Variants in DAPK1 observed in about 807,000 individuals in gnomAD.
DAPK1 encodes the protein death-associated protein kinase 1.
In DAPK1, 56 loss-of-function variants were observed where a neutral mutation model predicts 144.9. The ratio of observed to expected loss-of-function variants is 0.39; its 90% CI spans 0.31 to 0.48. The LOEUF is 0.48. Among genes scored for constraint, DAPK1 ranks in the 20% least tolerant of loss-of-function variants. DAPK1 has a pLI of 0.95. For synonymous variants in DAPK1, 690 were observed against 749.0 expected (o/e 0.92, Z 1.29); for missense variants, 1,454 against 1,875.4 (o/e 0.78, Z 4.15).
intron 20 of DAPK1, among the ~76,000 whole-genome samples, chr9:87,685,523 C>G (rs1217636805): frequency 6.6e-6 from 1 of 152,146 alleles, no homozygotes; most frequent in East Asian, 1.9e-4. Flanking sequence ...CAAGTTCTTA[C>G]AGAGCACTCT....
chr9:87,592,244 C>A lies in DAPK1; in HGVS notation c.63-12710C>A, dbSNP rs373599083. Among the ~76,000 whole-genome samples the A allele has an allele frequency of 6.6e-5, 10 of 152,256 alleles. No individual in the cohort carries two copies. In the East Asian group the frequency reaches 1.4e-3, roughly 21 times the overall value. On this transcript the variant is annotated intron_variant, in intron 2 of 25. Transcript: ENST00000408954. ...CCACTGCAGATGATGAGGAGGAAACCCAGCAAGAGGAAGGGCTTCCCACCC... is the reference window on the plus strand; with the variant it reads ...CCACTGCAGATGATGAGGAGGAAACACAGCAAGAGGAAGGGCTTCCCACCC...
In DAPK1 at chr9:87,614,564, C is replaced by T. The variant is rs555685855; in HGVS notation, c.284+9389C>T. On this transcript the variant is annotated intron_variant, in intron 3 of 25. Transcript: ENST00000408954. ...GTTCATACTTCCTCTTAGAAACTCTCCCTGATCTCATATCTTCTTCTTCCT... is the reference window on the plus strand; with the variant it reads ...GTTCATACTTCCTCTTAGAAACTCTTCCTGATCTCATATCTTCTTCTTCCT... Among the ~76,000 whole-genome samples the T allele has an allele frequency of 1.1e-3, 172 of 152,278 alleles. 2 individuals carry two copies. The Middle Eastern group carries it at 0.031, about 27-fold the overall frequency.
At chr9:87,677,894 C>T (rs1206641772) in intron 19 of DAPK1, among the ~76,000 whole-genome samples, 2 of 152,094 alleles carry the variant, frequency 1.3e-5, no homozygotes, top group Admixed American at 6.5e-5. Flanking sequence ...GCAGCATGGG[C>T]GCACCTGGTG....
At chr9:87,650,355 A>G (rs898757990) in intron 16 of DAPK1, 3 of 494,004 alleles carry the variant, frequency 6.1e-6, no homozygotes, top group African/African-American at 5.8e-5. Context: ...TTTGGTCTCT[A>G]AATAATTTTT....
At chr9:87,705,865 A>AT (rs34344016) in intron 25 of DAPK1, among the ~76,000 whole-genome samples, 5 of 150,526 alleles carry the variant, frequency 3.3e-5, no homozygotes, top group East Asian at 2.0e-4. Context: ...GCCATCTCCC[A>AT]TTTTTTTTTC....
chr9:87,706,211 A>T lies in DAPK1; in HGVS notation c.3140A>T (p.Lys1047Met), dbSNP rs960508569. 6.8e-6 allele frequency: 11 copies of T among 1,612,802 alleles called. No individual in the cohort carries two copies. Among genetic ancestry groups the T allele is most frequent in the Non-Finnish European group, 9.3e-6 (11 of 1,178,964 alleles). The part of the protein sequence containing the change: ...PRWLCTNVLG[K>M]LLSVETPRAL... The stretch of plus-strand genomic sequence containing the variant: ...TGGCTCTGCACAAACGTCCTGGGGA[A>T]GTTGCTGTCCGTGGAGACCCCACGG... Residue 1047 changes from lysine (K) to methionine (M), a missense_variant, in exon 26 of 26, where the codon AAG becomes ATG. Transcript: ENST00000408954. The surrounding 1 kb of genome is among the most constrained non-coding windows in gnomAD (Gnocchi z 9.0).
chr9:87,616,526 G>A (rs1233967920), intron 3 of DAPK1, among the ~76,000 whole-genome samples: 1 of 152,190 alleles, frequency 6.6e-6, no homozygotes, highest in Non-Finnish European at 1.5e-5. Context: ...TTCCTAAAGA[G>A]CAAAGTACCC....
intron 3 of DAPK1, among the ~76,000 whole-genome samples, chr9:87,605,991 G>A (rs571757144): frequency 3.3e-5 from 5 of 152,320 alleles, no homozygotes; most frequent in Admixed American, 3.3e-4. Flanking sequence ...GGGGCGGATG[G>A]AACCAAAGAA....
chr9:87,604,234 T>G (rs1013598394), intron 2 of DAPK1, among the ~76,000 whole-genome samples: 2 of 152,092 alleles, frequency 1.3e-5, no homozygotes, highest in Non-Finnish European at 2.9e-5. Context: ...CTCTGCATCC[T>G]CTGAAGGGTC....
At chr9:87,558,977 G>A (rs1384880603) in intron 2 of DAPK1, among the ~76,000 whole-genome samples, 1 of 152,134 alleles carries the variant, frequency 6.6e-6, no homozygotes, top group Non-Finnish European at 1.5e-5. Context: ...CCACTCTGGG[G>A]GAGGGGAGGG....
rs761918549 is a variant in DAPK1 at position 87,614,621 on chromosome 9, TC to T, written c.284+9447del. Among the ~76,000 whole-genome samples, 7 of 152,310 alleles carry T rather than the reference TC, an allele frequency of 4.6e-5. 1 individual carries two copies. Among genetic ancestry groups the T allele is most frequent in the Admixed American group, 3.9e-4 (6 of 15,308 alleles). On this transcript the variant is annotated intron_variant, in intron 3 of 25. Coordinates refer to ENST00000408954, the MANE Select transcript of DAPK1 (RefSeq NM_004938.4). The stretch of plus-strand genomic sequence containing the variant: ...GCCAACTGCTTCCCCAACCTGCACA[TC>T]AAGCGGGTGTAATGGAAGAGAACTT...
chr9:87,660,919 A>T (rs911043443), intron 18 of DAPK1, among the ~76,000 whole-genome samples: 3 of 152,152 alleles, frequency 2.0e-5, no homozygotes, highest in Admixed American at 2.0e-4. Flanking sequence ...ATCTCGGCTC[A>T]CTGCAACCTC....
chr9:87,529,418 T>G (rs1190555322), intron 2 of DAPK1, among the ~76,000 whole-genome samples: 1 of 152,214 alleles, frequency 6.6e-6, no homozygotes, highest in Non-Finnish European at 1.5e-5. Context: ...GTGATCTTAC[T>G]AATTTATCTT....
At chr9:87,516,358 G>A (rs1179402981) in intron 2 of DAPK1, among the ~76,000 whole-genome samples, 1 of 152,114 alleles carries the variant, frequency 6.6e-6, no homozygotes, top group Non-Finnish European at 1.5e-5. Context: ...TTCTCCCTGG[G>A]GTTAAGTCCA....
chr9:87,622,132 A>G (rs1202226652), intron 3 of DAPK1, among the ~76,000 whole-genome samples: 1 of 151,622 alleles, frequency 6.6e-6, no homozygotes, highest in Non-Finnish European at 1.5e-5. Context: ...ACTTTAACAA[A>G]TTCTGATTTC....
chr9:87,545,402 C>T (rs1330497530), intron 2 of DAPK1, among the ~76,000 whole-genome samples: 1 of 152,178 alleles, frequency 6.6e-6, no homozygotes, highest in African/African-American at 2.4e-5. Context: ...CAGTAGACCA[C>T]AAGCAAGAAC....
intron 11 of DAPK1, among the ~76,000 whole-genome samples, chr9:87,644,685 A>T (rs147417014): frequency 6.3e-4 from 96 of 152,344 alleles, no homozygotes; most frequent in African/African-American, 2.2e-3. Context: ...ATGATTAAAG[A>T]TTGCAAATTG....
intron 2 of DAPK1, among the ~76,000 whole-genome samples, chr9:87,581,425 T>TAA (rs993891626): frequency 6.2e-5 from 9 of 144,678 alleles, no homozygotes; most frequent in African/African-American, 1.8e-4. Flanking sequence ...AAGCTGTAAT[T>TAA]AAAAAAAAAA....
chr9:87,585,287 C>T (rs1049709239), intron 2 of DAPK1, among the ~76,000 whole-genome samples: 2 of 152,160 alleles, frequency 1.3e-5, no homozygotes, highest in Non-Finnish European at 2.9e-5. Flanking sequence ...GATGCTTGCC[C>T]TTTTGGAGCC....
Sources: allele counts gnomAD v4.1 joint callset (sites outside exome capture counted in the v4.1 genomes callset), GRCh38; gene constraint gnomAD v4.1.1; non-coding constraint Gnocchi (gnomAD v3.1); transcripts MANE v1.5; gene names NCBI Gene and HGNC (gene_info 2026-07-23, HGNC 2026-07-21).